WDR70: variants seen among roughly 807,000 people sequenced by gnomAD.
WDR70 encodes WD repeat domain 70.
WDR70 carries 53 observed loss-of-function variants against 88.6 expected under a neutral mutation model. The ratio of observed to expected loss-of-function variants is 0.60; its 90% CI spans 0.48 to 0.75. The LOEUF (loss-of-function observed/expected upper bound fraction) is 0.75, where lower values mean the gene tolerates loss of function less well. Ranked by LOEUF, WDR70 falls within the 30% of genes least tolerant of loss-of-function variation. WDR70 has a pLI of 0.00. For synonymous variants in WDR70, 280 were observed against 270.0 expected (o/e 1.04, Z -0.36); for missense variants, 610 against 823.2 (o/e 0.74, Z 3.17).
rs542723438 is a variant in WDR70, at chr5:37,446,566, G to A, written c.686+3194G>A. ...ACTACAAGGCTACAGGAACCAAAAC[G>A]GCATGGTACTGGTACCAAAACAGAG... On this transcript the variant is annotated intron_variant, in intron 7 of 17. Coordinates refer to ENST00000265107, the MANE Select transcript of WDR70 (RefSeq NM_018034.4). Among the ~76,000 whole-genome samples, 526 of 152,140 alleles carry A rather than the reference G, an allele frequency of 3.5e-3. 3 individuals carry two copies. Among genetic ancestry groups the A allele is most frequent in the African/African-American group, 0.011 (469 of 41,512 alleles).
intron 9 of WDR70, among the ~76,000 whole-genome samples, chr5:37,557,959 T>TTTTCAAACTCTTCAAAAG: frequency 6.8e-6 from 1 of 146,506 alleles, no homozygotes; most frequent in African/African-American, 2.5e-5. Flanking sequence ...AAAAGAGTAT[T>TTTTCAAACTCTTCAAAAG]ATGTATATTT....
At chr5:37,562,609 T>C (rs1478610469) in intron 9 of WDR70, among the ~76,000 whole-genome samples, 1 of 152,204 alleles carries the variant, frequency 6.6e-6, no homozygotes, top group Non-Finnish European at 1.5e-5. Context: ...CCGCAGTGTT[T>C]GTGTCCCTGG....
chr5:37,704,760 T>C (rs1368866705), intron 13 of WDR70, among the ~76,000 whole-genome samples: 4 of 152,174 alleles, frequency 2.6e-5, no homozygotes, highest in Non-Finnish European at 4.4e-5. Context: ...GTAAGGCATA[T>C]TGTAGATCAT....
At chr5:37,580,775 A>AT (rs904524130) in intron 9 of WDR70, among the ~76,000 whole-genome samples, 1 of 152,086 alleles carries the variant, frequency 6.6e-6, no homozygotes, top group East Asian at 1.9e-4. Flanking sequence ...AAGTAACTTT[A>AT]TTTTTTTCAA....
At chr5:37,655,337 G>T (rs947497706) in intron 10 of WDR70, among the ~76,000 whole-genome samples, 3 of 152,270 alleles carry the variant, frequency 2.0e-5, no homozygotes, top group Non-Finnish European at 2.9e-5. Context: ...TTCCTTCTGT[G>T]GGTAACCCAA....
chr5:37,479,727 C>A, intron 7 of WDR70, 107 bp from the exon 8 acceptor site: 1 of 1,294,076 alleles, frequency 7.7e-7, no homozygotes, highest in Non-Finnish European at 1.1e-6. Context: ...GTGGAATTAT[C>A]AATTTGTCCA....
At chr5:37,644,437 A>G (rs1223602139) in intron 10 of WDR70, among the ~76,000 whole-genome samples, 1 of 151,644 alleles carries the variant, frequency 6.6e-6, no homozygotes, top group Non-Finnish European at 1.5e-5. Flanking sequence ...TTGGCCCATC[A>G]TTTTCTTCTT....
rs530942313 is a variant in WDR70 at position 37,639,120 on chromosome 5, C to T, written c.1092+33882C>T. Among the ~76,000 whole-genome samples, 4 of 152,194 alleles carry T rather than the reference C, an allele frequency of 2.6e-5. No homozygotes were observed. In the South Asian group the frequency reaches 6.2e-4, roughly 24 times the overall value. On this transcript the variant is annotated intron_variant, in intron 10 of 17. Coordinates refer to ENST00000265107, the MANE Select transcript of WDR70 (RefSeq NM_018034.4). ...TTATGTAAATAATGAACAGTAGCATCATTGTGTCAGAGCTTTGAAATTCTT... is the reference window on the plus strand; with the variant it reads ...TTATGTAAATAATGAACAGTAGCATTATTGTGTCAGAGCTTTGAAATTCTT...
chr5:37,397,991 GA>G (rs5867347), intron 5 of WDR70, among the ~76,000 whole-genome samples: 39,247 of 100,490 alleles, frequency 0.39, 5,876 homozygotes, highest in East Asian at 0.54. Flanking sequence ...TTCGGTCTCA[GA>G]AAAAAAAAAA....
chr5:37,568,795 C>T (rs1452232548), intron 9 of WDR70, among the ~76,000 whole-genome samples: 4 of 152,152 alleles, frequency 2.6e-5, no homozygotes, highest in Non-Finnish European at 5.9e-5. Flanking sequence ...TGCAATATAA[C>T]TCTGTAGAGG....
chr5:37,645,693 T>C (rs1018558138), intron 10 of WDR70, among the ~76,000 whole-genome samples: 2 of 152,172 alleles, frequency 1.3e-5, no homozygotes, highest in Non-Finnish European at 2.9e-5. Flanking sequence ...TATATCCTCC[T>C]GCTGAATTGA....
intron 8 of WDR70, among the ~76,000 whole-genome samples, chr5:37,484,129 C>T (rs975830803): frequency 2.8e-4 from 43 of 152,092 alleles, no homozygotes; most frequent in African/African-American, 7.2e-4. Context: ...CAGGCAGAGA[C>T]GCTCCTTACT....
chr5:37,658,041 G>A (rs943027890), intron 10 of WDR70, among the ~76,000 whole-genome samples: 1 of 152,030 alleles, frequency 6.6e-6, no homozygotes, highest in Non-Finnish European at 1.5e-5. Flanking sequence ...AAGAAGTAAA[G>A]TAAGTAAAGT....
intron 10 of WDR70, among the ~76,000 whole-genome samples, chr5:37,622,462 A>G (rs1581442759): frequency 1.3e-5 from 2 of 152,028 alleles, no homozygotes; most frequent in Non-Finnish European, 2.9e-5. Flanking sequence ...TTGCAGCACT[A>G]TTCACAATAG....
chr5:37,666,619 T>C (rs551718897), intron 10 of WDR70, among the ~76,000 whole-genome samples: 1 of 152,318 alleles, frequency 6.6e-6, no homozygotes, highest in East Asian at 1.9e-4. Context: ...CCGTTGGTGG[T>C]TGGTGACAGG....
Position 37,703,013 on chromosome 5 carries a change from T to A in WDR70, c.1342T>A (p.Cys448Ser), listed in dbSNP as rs781303226. The A allele has an allele frequency of 4.3e-6, 7 of 1,613,864 alleles. No individual in the cohort carries two copies. The highest frequency in any genetic ancestry group is 5.9e-6 in the Non-Finnish European group (7 of 1,179,862). The change falls in exon 13 of 18, where the codon TGT (cysteine) becomes AGT (serine). Residue 448 changes from cysteine to serine, a missense_variant. This residue lies in a region of WDR70 where 254 missense variants were observed against 300.7 expected (regional missense o/e 0.84). Coordinates refer to ENST00000265107, the MANE Select transcript of WDR70 (RefSeq NM_018034.4). ...CACTGGTACATCTATTCAAAGAGGA[T>A]GTGGCAGCGGCAAACTTGTTTTCTT... Reference protein sequence around the residue: ...IVTGTSIQRGCGSGKLVFFER... With the variant: ...IVTGTSIQRGSGSGKLVFFER...
intron 10 of WDR70, among the ~76,000 whole-genome samples, chr5:37,672,613 A>T (rs1436423610): frequency 6.6e-6 from 1 of 152,140 alleles, no homozygotes; most frequent in African/African-American, 2.4e-5. Context: ...TGTGACACAG[A>T]TTCCTTTGCT....
intron 10 of WDR70, among the ~76,000 whole-genome samples, chr5:37,633,751 A>G (rs1050740075): frequency 6.7e-6 from 1 of 148,418 alleles, no homozygotes; most frequent in South Asian, 2.2e-4. Context: ...TTATTTTTAT[A>G]TTGATAAATT....
chr5:37,654,131 C>G (rs528964722), intron 10 of WDR70, among the ~76,000 whole-genome samples: 1 of 152,110 alleles, frequency 6.6e-6, no homozygotes, highest in Admixed American at 6.6e-5. Flanking sequence ...CCCAGAGATT[C>G]TTGTATGTTG....
Sources: allele counts gnomAD v4.1 joint callset (sites outside exome capture counted in the v4.1 genomes callset), GRCh38; gene constraint gnomAD v4.1.1; regional missense constraint gnomAD v4.1.1; transcripts MANE v1.5; gene names NCBI Gene and HGNC (gene_info 2026-07-23, HGNC 2026-07-21).